BCL11A: variants seen among roughly 807,000 people sequenced by gnomAD.
The protein encoded by BCL11A is B cell CLL/lymphoma 11A.
BCL11A carries 2 observed loss-of-function variants against 55.9 expected under a neutral mutation model. The observed-to-expected ratio is 0.04, with a 90% confidence interval of 0.01 to 0.11. The LOEUF is 0.11. Among genes scored for constraint, BCL11A ranks in the 10% least tolerant of loss-of-function variants. The probability of loss-of-function intolerance (pLI) is 1.00; values close to 1 mark genes in which losing one functional copy is unlikely to be tolerated. For synonymous variants in BCL11A, 465 were observed against 473.4 expected (o/e 0.98, Z 0.23); for missense variants, 817 against 1,137.1 (o/e 0.72, Z 4.05).
At chr2:60,524,815 T>C (rs1430698281) in intron 2 of BCL11A, 1 of 152,214 alleles carries the variant, frequency 6.6e-6, no homozygotes, top group Non-Finnish European at 1.5e-5. Flanking sequence ...AAACATTTCA[T>C]ATCTCATTCA....
chr2:60,548,295 A>C (rs75149139), intron 1 of BCL11A, among the ~76,000 whole-genome samples: 1 of 149,730 alleles, frequency 6.7e-6, no homozygotes, highest in African/African-American at 2.4e-5. Flanking sequence ...GAACCTTTGC[A>C]AAAAAAAAAA....
In BCL11A at chr2:60,507,240, G is replaced by A. The variant is rs549104346; in HGVS notation, c.386-38407C>T. Among the ~76,000 whole-genome samples the A allele has an allele frequency of 7.7e-3, 196 of 25,540 alleles. 4 individuals carry two copies. The highest frequency in any genetic ancestry group is 0.011 in the Non-Finnish European group (163 of 14,808). 16.8% of individuals were successfully genotyped at this position (25,540 alleles called of 152,430 possible). A position where few individuals can be genotyped will look rare whatever the true frequency, so the allele number is the denominator to read the frequency against. On this transcript the variant is annotated intron_variant, in intron 2 of 3. Coordinates refer to ENST00000642384, the MANE Select transcript of BCL11A (RefSeq NM_022893.4). ...GAAGGAAGGAAGGAAGGAAGGGAGG[G>A]AGGGAGGGGAGGGGAGGGGAGGGGA...
At chr2:60,478,537 T>C (rs1326032459) in intron 2 of BCL11A, among the ~76,000 whole-genome samples, 1 of 152,252 alleles carries the variant, frequency 6.6e-6, no homozygotes, top group Non-Finnish European at 1.5e-5. Context: ...TGTGACAGTC[T>C]TGGCCAAGAG....
At chr2:60,552,784 C>A (rs562061430) in intron 1 of BCL11A, among the ~76,000 whole-genome samples, 3 of 151,190 alleles carry the variant, frequency 2.0e-5, no homozygotes, top group Non-Finnish European at 2.9e-5. Context: ...CATTTTCTTA[C>A]GGTGAGTGGG....
chr2:60,539,538 A>G (rs1669827275), intron 2 of BCL11A, among the ~76,000 whole-genome samples: 1 of 152,222 alleles, frequency 6.6e-6, no homozygotes, highest in Admixed American at 6.5e-5. Context: ...CAGGGAGACA[A>G]ATTCCAATGA....
Position 60,514,347 on chromosome 2 carries a change from A to G in BCL11A, c.385+31624T>C, listed in dbSNP as rs45477893. 4.7e-3 allele frequency among the ~76,000 whole-genome samples: 715 copies of G among 152,254 alleles called. 4 individuals carry two copies. Among genetic ancestry groups the G allele is most frequent in the Non-Finnish European group, 8.4e-3 (568 of 68,012 alleles). ...TTCTGGGCAGTCCCAAGACTTGGAG[A>G]ACAAGCCATCTGAAAATAGAATTAA... On this transcript the variant is annotated intron_variant, in intron 2 of 3. Transcript: ENST00000642384.
intron 3 of BCL11A, among the ~76,000 whole-genome samples, chr2:60,467,925 T>C (rs1422464263): frequency 2.3e-5 from 3 of 132,376 alleles, no homozygotes; most frequent in Non-Finnish European, 5.1e-5. Flanking sequence ...GTGGTGGTGG[T>C]GGTAGTGATG....
intron 2 of BCL11A, chr2:60,542,002 A>T: frequency 1.5e-6 from 1 of 666,214 alleles, no homozygotes; most frequent in South Asian, 1.7e-5. Context: ...ATTGTATTTG[A>T]TTTACTTTTA....
rs937109015 is a variant in BCL11A, at chr2:60,462,070, C to T, written c.842G>A (p.Arg281His). The stretch of plus-strand genomic sequence containing the variant: ...CAGGGCCATCTCTTCCGCCCCCAGG[C>T]GCTCTATGCGGTGGGGGTCCAAGTG... The part of the protein sequence containing the change: ...RHHLDPHRIE[R>H]LGAEEMALAT... The change falls in exon 4 of 4, where the codon CGC (arginine) becomes CAC (histidine). Residue 281 changes from arginine (R) to histidine (H), a missense_variant. By Grantham distance (29) the Arg-to-His change is conservative. This residue lies in a region of BCL11A where 363 missense variants were observed against 486.6 expected (regional missense o/e 0.75). Transcript: ENST00000642384. The T allele has an allele frequency of 1.0e-5, 16 of 1,585,012 alleles. No homozygotes were observed. Among genetic ancestry groups the T allele is most frequent in the Non-Finnish European group, 1.3e-5 (15 of 1,166,216 alleles).
intron 2 of BCL11A, among the ~76,000 whole-genome samples, chr2:60,480,315 C>T (rs1254321143): frequency 6.6e-6 from 1 of 152,240 alleles, no homozygotes; most frequent in African/African-American, 2.4e-5. Context: ...GGTTCTCCAA[C>T]TAAAAGTTCA....
intron 2 of BCL11A, chr2:60,524,383 A>C (rs1387955074): frequency 6.6e-6 from 1 of 152,090 alleles, no homozygotes; most frequent in Non-Finnish European, 1.5e-5. Flanking sequence ...GGGAAAGTAG[A>C]GCCTCTGGGG....
In BCL11A at chr2:60,460,590, C is replaced by A; in HGVS notation, c.2322G>T (p.Leu774=). The change falls in exon 4 of 4, where the codon CTG becomes CTT. Residue 774 remains leucine (L), a synonymous_variant. Coordinates refer to ENST00000642384, the MANE Select transcript of BCL11A (RefSeq NM_022893.4). ...HTGERPYKCE[L]CNYACAQSSK... ...TACTCTGGGCACAGGCATAGTTGCA[C>A]AGCTCGCATTTATAAGGCCTTTCGC... The A allele has an allele frequency of 1.2e-6, 2 of 1,614,144 alleles. No homozygotes were observed. The highest frequency in any genetic ancestry group is 1.7e-6 in the Non-Finnish European group (2 of 1,180,042).
chr2:60,457,327 A>G lies in BCL11A; in HGVS notation c.*3077T>C, dbSNP rs1437725878. ...CTTAACAAAGACCAGAAACAAATACAATAAAAAGCCAGGTTGTAATGACCT... is the reference window on the plus strand; with the variant it reads ...CTTAACAAAGACCAGAAACAAATACGATAAAAAGCCAGGTTGTAATGACCT... On this transcript the variant is annotated 3_prime_UTR_variant, in exon 4 of 4. Transcript: ENST00000642384. 9.8e-7 allele frequency: 1 copy of G among 1,022,822 alleles called. No individual in the cohort carries two copies. Among genetic ancestry groups the G allele is most frequent in the Non-Finnish European group, 1.2e-6 (1 of 851,464 alleles). 63.4% of individuals were successfully genotyped at this position (1,022,822 alleles called of 1,614,324 possible). A position where few individuals can be genotyped will look rare whatever the true frequency, so the allele number is the denominator to read the frequency against.
At chr2:60,471,178 C>A (rs1184826509) in intron 2 of BCL11A, among the ~76,000 whole-genome samples, 1 of 152,242 alleles carries the variant, frequency 6.6e-6, no homozygotes, top group Admixed American at 6.5e-5. Context: ...GAAAACAAGG[C>A]CTGCTCTGCT....
At position 60,531,895 on chromosome 2, in the gene BCL11A, T is replaced by C. The variant is rs73932595; in HGVS notation, c.385+14076A>G. On this transcript the variant is annotated intron_variant, in intron 2 of 3. Coordinates refer to ENST00000642384, the MANE Select transcript of BCL11A (RefSeq NM_022893.4). ...GACAAATGAAATCCCCCAGACCCAG[T>C]GGGAAATAAGCCCACCTAAATGAAG... 4.1e-3 allele frequency among the ~76,000 whole-genome samples: 626 copies of C among 152,156 alleles called. 5 individuals are homozygous for C. The highest frequency in any genetic ancestry group is 0.015 in the African/African-American group (604 of 41,482).
intron 2 of BCL11A, among the ~76,000 whole-genome samples, chr2:60,539,736 T>A (rs760165565): frequency 2.6e-5 from 4 of 152,212 alleles, no homozygotes; most frequent in Non-Finnish European, 5.9e-5. Flanking sequence ...TTCTTATTTG[T>A]CAGGTTACAT....
Position 60,497,936 on chromosome 2 carries a change from G to A in BCL11A, c.386-29103C>T, listed in dbSNP as rs188151753. On this transcript the variant is annotated intron_variant, in intron 2 of 3. Transcript: ENST00000642384. ...ATAGAAGGGGGAGCCTGGACCCACC[G>A]CTTCATTGGCCGAGGATGACCCCAT... Among the ~76,000 whole-genome samples the A allele has an allele frequency of 6.6e-5, 10 of 152,134 alleles. No homozygotes were observed. The East Asian group carries it at 7.8e-4, about 12-fold the overall frequency.
intron 2 of BCL11A, among the ~76,000 whole-genome samples, chr2:60,478,789 G>A (rs1362871990): frequency 3.9e-5 from 6 of 152,320 alleles, no homozygotes; most frequent in Admixed American, 6.5e-5. Context: ...CTCCCATGAC[G>A]GCAAGTCCTT....
chr2:60,535,429 A>G (rs1669625613), intron 2 of BCL11A: 1 of 152,260 alleles, frequency 6.6e-6, no homozygotes, highest in African/African-American at 2.4e-5. Flanking sequence ...CTTAAGAGCC[A>G]AACCTATCTC....
Sources: allele counts gnomAD v4.1 joint callset (sites outside exome capture counted in the v4.1 genomes callset), GRCh38; gene constraint gnomAD v4.1.1; regional missense constraint gnomAD v4.1.1; transcripts MANE v1.5; gene names NCBI Gene and HGNC (gene_info 2026-07-23, HGNC 2026-07-21).